Variants in GPR137 observed in about 807,000 individuals in gnomAD.
GPR137 encodes the protein integral membrane protein GPR137.
A neutral mutation model predicts 38.9 loss-of-function variants in GPR137; 20 were observed. That is an observed-to-expected ratio of 0.51 (90% CI 0.36 to 0.75). The LOEUF is 0.75. GPR137 is among the 30% of genes least tolerant of loss of function. GPR137 has a pLI of 0.00. For synonymous variants in GPR137, 226 were observed against 235.8 expected (o/e 0.96, Z 0.38); for missense variants, 456 against 526.4 (o/e 0.87, Z 1.31).
chr11:64,289,441 A>T lies in GPR137; in HGVS notation c.*245A>T, dbSNP rs2034543023. The stretch of plus-strand genomic sequence containing the variant: ...CCTGCCACCTCTGCTTCCACACCGG[A>T]GCCAGCTACCTCTCCTGTGCCTGCC... On this transcript the variant is annotated 3_prime_UTR_variant, in exon 7 of 7. Coordinates refer to ENST00000438980, the MANE Select transcript of GPR137 (RefSeq NM_001170880.2). 1 of 1,515,998 alleles carries T rather than the reference A, an allele frequency of 6.6e-7. No individual in the cohort carries two copies. The highest frequency in any genetic ancestry group is 2.2e-5 in the Admixed American group (1 of 45,698). The allele number at this position is 1,515,998 out of a possible 1,614,324, so 93.9% of individuals were successfully genotyped here. A position where few individuals can be genotyped will look rare whatever the true frequency, so the allele number is the denominator to read the frequency against.
At chr11:64,284,746 T>G (rs1397070398), upstream of GPR137, 9 of 1,535,168 alleles carry the variant, frequency 5.9e-6, no homozygotes, top group South Asian at 1.1e-4. Context: ...CCCAATCACC[T>G]CTCGGAACGT....
chr11:64,287,694 C>T (rs778815112), intron 2 of GPR137, 27 bp from the exon 3 acceptor site: 151 of 1,600,552 alleles, frequency 9.4e-5, no homozygotes, highest in Non-Finnish European at 1.2e-4. Flanking sequence ...CTGTTGAGGG[C>T]CCGCGCTGAC....
upstream of GPR137, among the ~76,000 whole-genome samples, chr11:64,274,666 C>A (rs1476861101): frequency 3.3e-5 from 5 of 152,052 alleles, no homozygotes; most frequent in Non-Finnish European, 5.9e-5. Flanking sequence ...ACTAAAAACA[C>A]AAAAATTAGC....
chr11:64,276,647 G>T, intron 2 of GPR137: 1 of 433,168 alleles, frequency 2.3e-6, no homozygotes, highest in Non-Finnish European at 4.1e-6. Context: ...TTTTTAAAAA[G>T]TGTTCTATTT....
upstream of GPR137, among the ~76,000 whole-genome samples, chr11:64,272,258 G>A (rs947793631): frequency 4.0e-5 from 6 of 151,764 alleles, no homozygotes; most frequent in Non-Finnish European, 1.5e-5. Context: ...GGGAGAGGTC[G>A]CAGTGAGCCG....
chr11:64,281,696 C>T (rs1307187324), upstream of GPR137, among the ~76,000 whole-genome samples: 1 of 152,324 alleles, frequency 6.6e-6, no homozygotes, highest in East Asian at 1.9e-4. Flanking sequence ...GCTACCATCA[C>T]TCCCCCCGCC....
At chr11:64,272,441 T>C (rs2032706641), upstream of GPR137, among the ~76,000 whole-genome samples, 2 of 152,096 alleles carry the variant, frequency 1.3e-5, no homozygotes, top group Admixed American at 1.3e-4. Context: ...ATCCCTTGGA[T>C]AGGAAAGTGT....
At chr11:64,277,270 C>A (rs1219577263) in intron 2 of GPR137, among the ~76,000 whole-genome samples, 1 of 152,166 alleles carries the variant, frequency 6.6e-6, no homozygotes, top group Non-Finnish European at 1.5e-5. Flanking sequence ...GTGCTGCCAC[C>A]CCACCCTGGG....
chr11:64,273,302 G>A (rs2032778647), upstream of GPR137, among the ~76,000 whole-genome samples: 2 of 152,160 alleles, frequency 1.3e-5, no homozygotes, highest in Non-Finnish European at 2.9e-5. Flanking sequence ...TAACCCAGTG[G>A]GTGGAGGTTG....
upstream of GPR137, chr11:64,284,718 G>C: frequency 6.5e-7 from 1 of 1,536,014 alleles, no homozygotes; most frequent in Non-Finnish European, 8.7e-7. Context: ...TGGGCAACGG[G>C]AACTGTCAGC....
rs2034176491 is a variant in GPR137 at position 64,287,089 on chromosome 11, A to G, written c.407+75A>G. ...GACAGTCCCATGTAGATCCCTTCCC[A>G]CCTCTCAGGGCTGAGACAAAGGCAA... On this transcript the variant is annotated intron_variant, in intron 2 of 6. Coordinates refer to ENST00000438980, the MANE Select transcript of GPR137 (RefSeq NM_001170880.2). 3.7e-5 allele frequency: 57 copies of G among 1,556,206 alleles called. No homozygotes were observed. The South Asian group carries it at 6.6e-4, about 18-fold the overall frequency.
chr11:64,285,627 G>C, upstream of GPR137: 1 of 985,166 alleles, frequency 1.0e-6, no homozygotes, highest in Non-Finnish European at 1.2e-6. Context: ...GGCGGCACGG[G>C]GCACGGCCCA....
At chr11:64,276,241 AT>A (rs1365768426) in intron 1 of GPR137, 1 of 151,868 alleles carries the variant, frequency 6.6e-6, no homozygotes, top group East Asian at 1.9e-4. Flanking sequence ...TGTAAATTGA[AT>A]TATATATATG....
upstream of GPR137, chr11:64,272,641 A>C (rs1845614326): frequency 6.6e-6 from 1 of 152,196 alleles, no homozygotes; most frequent in African/African-American, 2.4e-5. Flanking sequence ...TTCCCTTATT[A>C]TCCTCCTAAC....
intron 2 of GPR137, chr11:64,277,190 C>A: frequency 3.4e-6 from 2 of 587,834 alleles, no homozygotes; most frequent in Non-Finnish European, 6.1e-6. Context: ...GGATCCTGCC[C>A]CTACCACATG....
upstream of GPR137, among the ~76,000 whole-genome samples, chr11:64,279,746 G>C (rs1282138461): frequency 3.2e-5 from 4 of 126,562 alleles, no homozygotes; most frequent in Non-Finnish European, 6.4e-5. Flanking sequence ...CTGGGTGACA[G>C]AGTAAGACTC....
chr11:64,276,286 G>A lies in GPR137; in HGVS notation c.-89-62G>A, dbSNP rs1045148405. Reference sequence around the variant, plus strand: ...AATATACATATATTTATGTGTGTGTGTGTGTATATATTTGTGTGTGTGTGT... The same window carrying A: ...AATATACATATATTTATGTGTGTGTATGTGTATATATTTGTGTGTGTGTGT... On this transcript the variant is annotated intron_variant, in intron 1 of 2. Transcript: ENST00000538244. 2.6e-5 allele frequency: 3 copies of A among 113,816 alleles called. No homozygotes were observed. In the Admixed American group the frequency reaches 3.2e-4, roughly 12 times the overall value. The allele number at this position is 113,816 out of a possible 1,614,324, so 7.1% of individuals were successfully genotyped here. A position where few individuals can be genotyped will look rare whatever the true frequency, so the allele number is the denominator to read the frequency against.
chr11:64,277,099 G>T, intron 2 of GPR137: 1 of 669,504 alleles, frequency 1.5e-6, no homozygotes, highest in South Asian at 1.6e-5. Context: ...CTTGCACACT[G>T]AATTGCACAC....
upstream of GPR137, chr11:64,284,304 A>C (rs2033693172): frequency 6.2e-7 from 1 of 1,612,368 alleles, no homozygotes; most frequent in Non-Finnish European, 8.5e-7. Context: ...GCTGGGGCCC[A>C]GGCCCCTCTC....
Sources: allele counts gnomAD v4.1 joint callset (sites outside exome capture counted in the v4.1 genomes callset), GRCh38; gene constraint gnomAD v4.1.1; transcripts MANE v1.5; gene names NCBI Gene and HGNC (gene_info 2026-07-23, HGNC 2026-07-21).